The following LRP8 variants were observed in gnomAD, a reference collection of about 807,000 sequenced individuals.
The protein encoded by LRP8 is low-density lipoprotein receptor-related protein 8.
A neutral mutation model predicts 111.6 loss-of-function variants in LRP8; 46 were observed. The ratio of observed to expected loss-of-function variants is 0.41; its 90% CI spans 0.33 to 0.53. LRP8 has a LOEUF of 0.53. LRP8 is among the 20% of genes least tolerant of loss of function. LRP8 has a pLI of 0.20. For synonymous variants in LRP8, 464 were observed against 511.2 expected, an observed-to-expected ratio of 0.91 and a Z score of 1.24; for missense variants, 959 against 1,297.4, an observed-to-expected ratio of 0.74 and a Z score of 4.01.
chr1:53,280,122 G>A (rs1027100995), intron 4 of LRP8, among the ~76,000 whole-genome samples: 9 of 152,128 alleles, frequency 5.9e-5, no homozygotes, highest in Non-Finnish European at 1.0e-4. Flanking sequence ...TCAGGAATCC[G>A]TCCCCCTCCC....
chr1:53,320,544 C>G (rs1654379327), intron 2 of LRP8, among the ~76,000 whole-genome samples: 1 of 152,224 alleles, frequency 6.6e-6, no homozygotes, highest in South Asian at 2.1e-4. Flanking sequence ...TGGGCTGACA[C>G]TCCCTGAGGT....
chr1:53,288,851 T>C (rs1648093777), intron 3 of LRP8, among the ~76,000 whole-genome samples: 1 of 152,344 alleles, frequency 6.6e-6, no homozygotes, highest in South Asian at 2.1e-4. Flanking sequence ...CAGAATGACC[T>C]GCCGGGTGTA....
At position 53,266,745 on chromosome 1, in the gene LRP8, T is replaced by C. The variant is rs1371290503; in HGVS notation, c.1253-98A>G. 9.1e-7 allele frequency: 1 copy of C among 1,100,122 alleles called. No individual in the cohort carries two copies. The highest frequency in any genetic ancestry group is 1.9e-5 in the Admixed American group (1 of 53,578). The allele number at this position is 1,100,122 out of a possible 1,614,324, so 68.1% of individuals were successfully genotyped here. ...ACTGGCTTGCTGGCTGACACATCCA[T>C]TTTCCTTAAAATAGTAGTGACAATT... On this transcript the variant is annotated intron_variant, in intron 8 of 18. Coordinates refer to ENST00000306052, the MANE Select transcript of LRP8 (RefSeq NM_004631.5). This position sits in a 1 kb window ranked among gnomAD's most constrained non-coding sequence, Gnocchi z 5.0.
Position 53,276,718 on chromosome 1 carries a change from T to C in LRP8, c.857A>G (p.Lys286Arg), listed in dbSNP as rs1646931912. ...GWRCDGDRDC[K>R]DKSDEADCPL... ...GCAGTCGGCCTCGTCCGATTTGTCTTTGCAGTCGCGGTCGCCGTCGCAGCG... is the reference window on the plus strand; with the variant it reads ...GCAGTCGGCCTCGTCCGATTTGTCTCTGCAGTCGCGGTCGCCGTCGCAGCG... The change falls in exon 5 of 19, where the codon AAA (lysine) becomes AGA (arginine). Residue 286 changes from lysine to arginine, a missense_variant. By Grantham distance (26) the Lys-to-Arg change is conservative (BLOSUM62 2). This residue lies in a region of LRP8 where 819 missense variants were observed against 1,097.6 expected (regional missense o/e 0.75). Coordinates refer to ENST00000306052, the MANE Select transcript of LRP8 (RefSeq NM_004631.5). The C allele has an allele frequency of 6.5e-7, 1 of 1,533,750 alleles. No homozygotes were observed. Among genetic ancestry groups the C allele is most frequent in the East Asian group, 2.6e-5 (1 of 39,190 alleles).
chr1:53,264,830 G>A (rs1646491622), intron 9 of LRP8, among the ~76,000 whole-genome samples: 1 of 152,166 alleles, frequency 6.6e-6, no homozygotes, highest in Non-Finnish European at 1.5e-5. Context: ...GGCCAGAGGT[G>A]AGTCTGCTCT....
Position 53,280,630 on chromosome 1 carries a change from C to A in LRP8, c.453G>T (p.Glu151Asp). 4 of 1,613,472 alleles carry A rather than the reference C, an allele frequency of 2.5e-6. No individual in the cohort carries two copies. Among genetic ancestry groups the A allele is most frequent in the Non-Finnish European group, 3.4e-6 (4 of 1,180,048 alleles). Residue 151 changes from glutamate (E) to aspartate (D), a missense_variant, in exon 4 of 19, where the codon GAG becomes GAT. Physicochemically the swap from Glu to Asp is conservative, Grantham distance 45. Coordinates refer to ENST00000306052, the MANE Select transcript of LRP8 (RefSeq NM_004631.5). ...CATCCGCTCCACCCTCGCAGTCCTTCTCCCCGTCGCAGCGCCACGAGGCAG... is the reference window on the plus strand; with the variant it reads ...CATCCGCTCCACCCTCGCAGTCCTTATCCCCGTCGCAGCGCCACGAGGCAG... ...CVPASWRCDG[E>D]KDCEGGADEA...
At position 53,326,047 on chromosome 1, in the gene LRP8, G is replaced by A. The variant is rs576817011; in HGVS notation, c.244+826C>T. ...CGCCCAGCAAAGGCGGCCGGCAGCC[G>A]TTTCACGCGTGGCCTCGGGCTTCTC... On this transcript the variant is annotated intron_variant, in intron 2 of 18. Transcript: ENST00000306052. Among the ~76,000 whole-genome samples, 11 of 152,360 alleles carry A rather than the reference G, an allele frequency of 7.2e-5. No homozygotes were observed. The South Asian group carries it at 1.7e-3, about 23-fold the overall frequency.
At chr1:53,296,156 G>C (rs1242166035) in intron 2 of LRP8, among the ~76,000 whole-genome samples, 1 of 152,236 alleles carries the variant, frequency 6.6e-6, no homozygotes, top group Non-Finnish European at 1.5e-5. Flanking sequence ...AGGGAGATGA[G>C]GGAGCTGTCA....
In LRP8 at chr1:53,266,647, G is replaced by A; in HGVS notation, c.1253C>T (p.Ala418Val). Residue 418 changes from alanine (A) to valine (V), a missense_variant and splice_region_variant, in exon 9 of 19, where the codon GCT becomes GTT. Around this residue, in one of 3 missense-constraint regions of LRP8, gnomAD observed 819 missense variants for 1,097.6 expected, o/e 0.75. Transcript: ENST00000306052. This position sits in a 1 kb window ranked among gnomAD's most constrained non-coding sequence, Gnocchi z 5.0. ...GAAGATTAGGGATGGGCTCTTGCCA[G>A]CTGTCATGCAGGGAGGTTGAAAGAG... ...DLLTKNCKAA[A>V]GKSPSLIFTN... 6.2e-7 allele frequency: 1 copy of A among 1,613,876 alleles called. No homozygotes were observed. Among genetic ancestry groups the A allele is most frequent in the Middle Eastern group, 1.7e-4 (1 of 5,994 alleles).
intron 16 of LRP8, among the ~76,000 whole-genome samples, chr1:53,252,510 T>C (rs1021205283): frequency 1.3e-5 from 2 of 152,026 alleles, no homozygotes; most frequent in Admixed American, 1.3e-4. Context: ...CACTCCAGCC[T>C]GGGCAAGAGT....
Position 53,250,738 on chromosome 1 carries a change from A to G in LRP8, c.2628T>C (p.Asp876=), listed in dbSNP as rs142946591. The stretch of plus-strand genomic sequence containing the variant: ...GAGCAGTTCTCCCTATATGGAGCTC[A>G]TCTTCGTCTTCTTCTTCTGTTGTTT... The part of the protein sequence containing the change: ...YRKTTEEEDE[D]ELHIGRTAQI... Residue 876 remains aspartate (D), a synonymous_variant, in exon 17 of 19, where the codon GAT becomes GAC. Coordinates refer to ENST00000306052, the MANE Select transcript of LRP8 (RefSeq NM_004631.5). The surrounding 1 kb of genome is among the most constrained non-coding windows in gnomAD (Gnocchi z 4.6). The G allele has an allele frequency of 3.2e-4, 519 of 1,611,500 alleles. No homozygotes were observed. Among genetic ancestry groups the G allele is most frequent in the Non-Finnish European group, 4.3e-4 (506 of 1,177,718 alleles).
chr1:53,257,090 G>A (rs1296768481), intron 15 of LRP8, 150 bp downstream of exon 15: 1 of 730,870 alleles, frequency 1.4e-6, no homozygotes, highest in Admixed American at 2.5e-5. Context: ...ATCGCAGGCT[G>A]GTACTCTACC....
In LRP8 at chr1:53,266,376, G is replaced by A. The variant is rs1572480243; in HGVS notation, c.1427+97C>T. Reference sequence around the variant, plus strand: ...TTCCCAAGTCCCAACTCTGTCCTGAGGAGCTCTAGAGGCAGACACCACTCC... The same window carrying A: ...TTCCCAAGTCCCAACTCTGTCCTGAAGAGCTCTAGAGGCAGACACCACTCC... On this transcript the variant is annotated intron_variant, in intron 9 of 18. Coordinates refer to ENST00000306052, the MANE Select transcript of LRP8 (RefSeq NM_004631.5). The surrounding 1 kb of genome is among the most constrained non-coding windows in gnomAD (Gnocchi z 5.0). 12 of 1,293,704 alleles carry A rather than the reference G, an allele frequency of 9.3e-6. No homozygotes were observed. The East Asian group carries it at 2.8e-4, about 30-fold the overall frequency. The allele number at this position is 1,293,704 out of a possible 1,614,324, so 80.1% of individuals were successfully genotyped here. A position where few individuals can be genotyped will look rare whatever the true frequency, so the allele number is the denominator to read the frequency against.
At position 53,255,172 on chromosome 1, in the gene LRP8, G is replaced by A; in HGVS notation, c.2448C>T (p.Asp816=). ...CAGTGACTGTTGAGCCCATCTTACT[G>A]TCTTCATTTGCATCTGCAAAACACA... ...SNHSQHYANE[D]SKMGSTVTAA... is the part of the protein sequence containing the mutation. The change falls in exon 16 of 19, where the codon GAC becomes GAT. Residue 816 remains aspartate (D), a synonymous_variant. Coordinates refer to ENST00000306052, the MANE Select transcript of LRP8 (RefSeq NM_004631.5). 6.2e-7 allele frequency: 1 copy of A among 1,613,680 alleles called. No homozygotes were observed. Among genetic ancestry groups the A allele is most frequent in the Non-Finnish European group, 8.5e-7 (1 of 1,180,004 alleles).
rs1649111295 is a variant in LRP8 at position 53,293,241 on chromosome 1, G to A, written c.245-3552C>T. 6.8e-6 allele frequency among the ~76,000 whole-genome samples: 1 copy of A among 147,930 alleles called. No homozygotes were observed. The highest frequency in any genetic ancestry group is 1.5e-5 in the Non-Finnish European group (1 of 67,364). On this transcript the variant is annotated intron_variant, in intron 2 of 18. Coordinates refer to ENST00000306052, the MANE Select transcript of LRP8 (RefSeq NM_004631.5). The surrounding 1 kb of genome is among the most constrained non-coding windows in gnomAD (Gnocchi z 4.9). The stretch of plus-strand genomic sequence containing the variant: ...GGCACTGGGCAAGGAGGCCAGAGCA[G>A]CCAAAAACACCACTGCTGTCCCAAA...
chr1:53,296,727 G>A (rs1028624773), intron 2 of LRP8, among the ~76,000 whole-genome samples: 9 of 152,230 alleles, frequency 5.9e-5, no homozygotes, highest in Admixed American at 3.9e-4. Flanking sequence ...CAACGACAGA[G>A]CAGTAATGAG....
Position 53,242,858 on chromosome 1 carries a change from T to TATATATATATATATATATACACAC in LRP8, c.*4159_*4160insGTGTGTATATATATATATATATAT. The TATATATATATATATATATACACAC allele has an allele frequency of 7.1e-6, 1 of 140,572 alleles. No individual in the cohort carries two copies. Among genetic ancestry groups the TATATATATATATATATATACACAC allele is most frequent in the East Asian group, 2.0e-4 (1 of 4,918 alleles). The allele number at this position is 140,572 out of a possible 1,614,324, so 8.7% of individuals were successfully genotyped here. A position where few individuals can be genotyped will look rare whatever the true frequency, so the allele number is the denominator to read the frequency against. On this transcript the variant is annotated 3_prime_UTR_variant, in exon 19 of 19. Transcript: ENST00000306052. Reference sequence around the variant, plus strand: ...TTAAATATATATATATATATATATATACACACACACACACGTGGCTTTTTA... The same window carrying TATATATATATATATATATACACAC: ...TTAAATATATATATATATATATATATATATATATATATATATATACACACACACACACACACACGTGGCTTTTTA...
Position 53,246,138 on chromosome 1 carries a change from C to G in LRP8, c.*880G>C, listed in dbSNP as rs925360248. On this transcript the variant is annotated 3_prime_UTR_variant, in exon 19 of 19. Coordinates refer to ENST00000306052, the MANE Select transcript of LRP8 (RefSeq NM_004631.5). The stretch of plus-strand genomic sequence containing the variant: ...AAGCCAAGAAAGCCCTGGTAGGAGT[C>G]ACAGCAGCCATGGGTGAGCTGAAAG... 1 of 152,218 alleles carries G rather than the reference C, an allele frequency of 6.6e-6. No individual in the cohort carries two copies. Among genetic ancestry groups the G allele is most frequent in the African/African-American group, 2.4e-5 (1 of 41,450 alleles). The allele number at this position is 152,218 out of a possible 1,614,324, so 9.4% of individuals were successfully genotyped here. A position where few individuals can be genotyped will look rare whatever the true frequency, so the allele number is the denominator to read the frequency against.
intron 6 of LRP8, among the ~76,000 whole-genome samples, chr1:53,272,060 G>A (rs1015585229): frequency 6.6e-6 from 1 of 151,814 alleles, no homozygotes; most frequent in African/African-American, 2.4e-5. Flanking sequence ...AACACAGGAT[G>A]CCCCCCCTAA....
Sources: gnomAD v4.1 joint callset for allele counts (sites outside exome capture counted in the v4.1 genomes callset) on GRCh38, gnomAD v4.1.1 for gene constraint, gnomAD v4.1.1 regional missense constraint, Gnocchi (gnomAD v3.1) non-coding constraint, MANE v1.5 for transcripts, NCBI Gene and HGNC (gene_info 2026-07-23, HGNC 2026-07-21) for gene names.